The following ADK variants were observed in gnomAD, a reference collection of about 807,000 sequenced individuals.
The protein encoded by ADK is N6,N6-dimethyladenosine kinase.
A neutral mutation model predicts 44.7 loss-of-function variants in ADK; 24 were observed. That is an observed-to-expected ratio of 0.54 (90% CI 0.39 to 0.76). The LOEUF is 0.76. Ranked by LOEUF, ADK falls within the 30% of genes least tolerant of loss-of-function variation. The pLI, the probability that ADK is intolerant of heterozygous loss-of-function variation, is 0.00. For missense variants in ADK, 321 were observed against 425.1 expected (o/e 0.76, Z 2.15); for synonymous variants, 128 against 142.6 (o/e 0.90, Z 0.73).
intron 9 of ADK, among the ~76,000 whole-genome samples, chr10:74,669,259 C>T (rs1175485025): frequency 6.6e-6 from 1 of 152,146 alleles, no homozygotes; most frequent in Admixed American, 6.5e-5. Flanking sequence ...TTTTGCCTCC[C>T]TCTTGATCTT....
chr10:74,272,411 G>A (rs981925288), intron 3 of ADK, among the ~76,000 whole-genome samples: 1 of 151,996 alleles, frequency 6.6e-6, no homozygotes, highest in Non-Finnish European at 1.5e-5. Context: ...GAGTGTTTGG[G>A]ACTACAGGCG....
intron 7 of ADK, among the ~76,000 whole-genome samples, chr10:74,577,509 C>T (rs1851235828): frequency 6.6e-6 from 1 of 150,988 alleles, no homozygotes; most frequent in Admixed American, 6.6e-5. Context: ...TCTGAAGAGG[C>T]TTTTGGTAGT....
chr10:74,187,246 A>T (rs1217439512), intron 1 of ADK, among the ~76,000 whole-genome samples: 2 of 152,192 alleles, frequency 1.3e-5, no homozygotes, highest in Non-Finnish European at 2.9e-5. Context: ...CATTTCTGAA[A>T]TATTATCACT....
chr10:74,489,180 G>C (rs1370617811), intron 6 of ADK, among the ~76,000 whole-genome samples: 1 of 151,902 alleles, frequency 6.6e-6, no homozygotes, highest in Admixed American at 6.6e-5. Context: ...TATATTAAAA[G>C]AAAGTTCATA....
chr10:74,452,771 C>T (rs1485622235), intron 6 of ADK, among the ~76,000 whole-genome samples: 1 of 151,934 alleles, frequency 6.6e-6, no homozygotes, highest in Non-Finnish European at 1.5e-5. Context: ...CAGGATTTTT[C>T]GTGAACAAGT....
At chr10:74,581,052 ACACG>A (rs1851357417) in intron 7 of ADK, among the ~76,000 whole-genome samples, 2 of 147,502 alleles carry the variant, frequency 1.4e-5, no homozygotes, top group Middle Eastern at 3.4e-3. Context: ...ACACACACAC[ACACG>A]TATATATAAC....
At chr10:74,173,698 G>A (rs947378806) in intron 1 of ADK, among the ~76,000 whole-genome samples, 2 of 152,076 alleles carry the variant, frequency 1.3e-5, no homozygotes, top group African/African-American at 4.8e-5. Context: ...CAAAGTGCTG[G>A]GATTACAGGC....
intron 2 of ADK, among the ~76,000 whole-genome samples, chr10:74,212,208 T>C (rs1311972872): frequency 6.6e-6 from 1 of 152,198 alleles, no homozygotes; most frequent in African/African-American, 2.4e-5. Context: ...ATAGATGCTG[T>C]TCTTTGGGTT....
intron 6 of ADK, among the ~76,000 whole-genome samples, chr10:74,441,755 CAACAA>C (rs1845412991): frequency 6.6e-6 from 1 of 151,956 alleles, no homozygotes; most frequent in South Asian, 2.1e-4. Flanking sequence ...GCAAAGGAGA[CAACAA>C]AAGAAAAGGC....
chr10:74,183,389 A>G lies in ADK; in HGVS notation c.66-17375A>G, dbSNP rs77364544. Among the ~76,000 whole-genome samples the G allele has an allele frequency of 3.3e-3, 504 of 152,336 alleles. 2 individuals are homozygous for G. The highest frequency in any genetic ancestry group is 0.012 in the African/African-American group (487 of 41,588). The stretch of plus-strand genomic sequence containing the variant: ...GGAGTTCAAGGCCAGCCTGGGCAAT[A>G]TGATAAAACCCCGTCTCTACAAAAA... On this transcript the variant is annotated intron_variant, in intron 1 of 10. Transcript: ENST00000539909.
At chr10:74,238,008 C>A (rs1013959336) in intron 3 of ADK, among the ~76,000 whole-genome samples, 1 of 152,078 alleles carries the variant, frequency 6.6e-6, no homozygotes, top group Non-Finnish European at 1.5e-5. Context: ...GTAGGAGAAT[C>A]GCTTGAACCC....
At chr10:74,532,406 A>T (rs1468366425) in intron 7 of ADK, among the ~76,000 whole-genome samples, 1 of 146,168 alleles carries the variant, frequency 6.8e-6, no homozygotes, top group South Asian at 2.2e-4. Flanking sequence ...TGAACTGGGG[A>T]GGCAGAGGTT....
At chr10:74,199,829 G>A (rs575957138) in intron 1 of ADK, among the ~76,000 whole-genome samples, 6 of 151,876 alleles carry the variant, frequency 4.0e-5, no homozygotes, top group African/African-American at 1.4e-4. Context: ...ACAGGTGCTC[G>A]CCACTACACC....
intron 7 of ADK, among the ~76,000 whole-genome samples, chr10:74,578,630 G>A (rs1851276366): frequency 6.6e-6 from 1 of 152,036 alleles, no homozygotes; most frequent in African/African-American, 2.4e-5. Flanking sequence ...GCTGATCCTA[G>A]CATAATGTAT....
chr10:74,569,354 T>C (rs929638221), intron 7 of ADK, among the ~76,000 whole-genome samples: 14 of 152,220 alleles, frequency 9.2e-5, no homozygotes, highest in African/African-American at 3.4e-4. Context: ...ATCGCCACAC[T>C]GACTTCCACA....
At chr10:74,267,754 T>TTTTGTGTGTG (rs1554835954) in intron 3 of ADK, among the ~76,000 whole-genome samples, 4,372 of 132,700 alleles carry the variant, frequency 0.033, 127 homozygotes, top group Middle Eastern at 0.054. Flanking sequence ...ATATCCTTAT[T>TTTTGTGTGTG]TGTGTGTGTG....
chr10:74,333,155 T>C (rs1411303454), intron 4 of ADK, among the ~76,000 whole-genome samples: 1 of 152,194 alleles, frequency 6.6e-6, no homozygotes, highest in East Asian at 1.9e-4. Flanking sequence ...TTTTCAGCTA[T>C]TTTAAAAGAA....
At chr10:74,453,841 T>C (rs1051438385) in intron 6 of ADK, among the ~76,000 whole-genome samples, 1 of 152,090 alleles carries the variant, frequency 6.6e-6, no homozygotes, top group African/African-American at 2.4e-5. Flanking sequence ...CATATAAATA[T>C]TCATGATAGA....
At chr10:74,417,059 GC>G (rs1275689745) in intron 6 of ADK, among the ~76,000 whole-genome samples, 1 of 151,800 alleles carries the variant, frequency 6.6e-6, no homozygotes, top group East Asian at 1.9e-4. Context: ...AGATTGATAG[GC>G]TTCTTGTGGT....
Sources: allele counts gnomAD v4.1 joint callset (sites outside exome capture counted in the v4.1 genomes callset), GRCh38; gene constraint gnomAD v4.1.1; transcripts MANE v1.5; gene names NCBI Gene and HGNC (gene_info 2026-07-23, HGNC 2026-07-21).